SLC22A14: variants seen among roughly 807,000 people sequenced by gnomAD.
SLC22A14 encodes the protein solute carrier family 22 member 14, also known as organic cation transporter-like 4.
A neutral mutation model predicts 53.9 loss-of-function variants in SLC22A14; 50 were observed. That is an observed-to-expected ratio of 0.93 (90% confidence interval 0.74 to 1.17). The LOEUF is 1.17. Ranked by LOEUF, SLC22A14 falls within the 50% of genes most tolerant of loss-of-function variation. SLC22A14 has a pLI of 0.00. For synonymous variants in SLC22A14, 312 were observed against 303.0 expected, an observed-to-expected ratio of 1.03 and a Z score of -0.31; for missense variants, 671 against 734.7, an observed-to-expected ratio of 0.91 and a Z score of 1.00.
Position 38,306,493 on chromosome 3 carries a change from A to C in SLC22A14, c.467A>C (p.Gln156Pro). The change falls in exon 2 of 11, where the codon CAA (glutamine) becomes CCA (proline). Residue 156 changes from glutamine to proline, a missense_variant. By Grantham distance (76) the Gln-to-Pro change is moderately conservative. Transcript: ENST00000448498. The part of the protein sequence containing the change: ...QFGLNDTDTC[Q>P]DGWIYPDAKK... ...GGCCTCAATGACACAGACACATGCCAAGATGGGTGGATCTATCCTGACGCT... is the reference window on the plus strand; with the variant it reads ...GGCCTCAATGACACAGACACATGCCCAGATGGGTGGATCTATCCTGACGCT... 2 of 1,614,224 alleles carry C rather than the reference A, an allele frequency of 1.2e-6. No homozygotes were observed. Among genetic ancestry groups the C allele is most frequent in the Non-Finnish European group, 1.7e-6 (2 of 1,180,040 alleles).
chr3:38,307,847 C>A lies in SLC22A14; in HGVS notation c.775+127C>A. 1 of 1,031,354 alleles carries A rather than the reference C, an allele frequency of 9.7e-7. No homozygotes were observed. The highest frequency in any genetic ancestry group is 1.4e-6 in the Non-Finnish European group (1 of 690,098). 63.9% of individuals were successfully genotyped at this position (1,031,354 alleles called of 1,614,324 possible). A position where few individuals can be genotyped will look rare whatever the true frequency, so the allele number is the denominator to read the frequency against. On this transcript the variant is annotated intron_variant, in intron 4 of 10. Transcript: ENST00000448498. This position sits in a 1 kb window ranked among gnomAD's most constrained non-coding sequence, Gnocchi z 4.4. ...CAGATGGCAAGGGGGCGTGGTGTAG[C>A]TGTAAGAGGGCATGGCGGGGGTGTG...
intron 5 of SLC22A14, among the ~76,000 whole-genome samples, chr3:38,311,000 C>A (rs142273966): frequency 6.6e-6 from 1 of 152,318 alleles, no homozygotes; most frequent in East Asian, 1.9e-4. Flanking sequence ...CCAGGACAAG[C>A]CCCCATGTTT....
At chr3:38,312,773 G>C (rs577395096) in intron 5 of SLC22A14, among the ~76,000 whole-genome samples, 1 of 152,148 alleles carries the variant, frequency 6.6e-6, no homozygotes, top group Admixed American at 6.5e-5. Context: ...CGGTGGTCAG[G>C]GTGTTACCTA....
At chr3:38,308,123 A>AC (rs1467355860) in intron 4 of SLC22A14, 44 of 155,794 alleles carry the variant, frequency 2.8e-4, no homozygotes, top group South Asian at 2.0e-3. Context: ...GGCAAAAGAA[A>AC]AAACAACAAA....
At chr3:38,312,895 C>T in intron 5 of SLC22A14, 104 bp from the exon 6 acceptor site, 6 of 1,460,922 alleles carry the variant, frequency 4.1e-6, no homozygotes, top group Middle Eastern at 1.9e-4. Context: ...ATCTGAATCA[C>T]CTCATGCTGG....
chr3:38,306,275 C>T lies in SLC22A14; in HGVS notation c.249C>T (p.Phe83=). ...TFIPSIMSAF[F]MFADHFVFTA... ...TCCCCAGCATCATGTCGGCCTTCTT[C>T]ATGTTTGCTGACCACTTCGTGTTCA... Residue 83 remains phenylalanine (F), a synonymous_variant, in exon 2 of 11, where the codon TTC becomes TTT. Transcript: ENST00000448498. 6.2e-7 allele frequency: 1 copy of T among 1,614,192 alleles called. No homozygotes were observed. Among genetic ancestry groups the T allele is most frequent in the South Asian group, 1.1e-5 (1 of 91,082 alleles).
intron 1 of SLC22A14, among the ~76,000 whole-genome samples, chr3:38,293,964 C>T (rs1199872357): frequency 6.6e-6 from 1 of 152,120 alleles, no homozygotes; most frequent in Non-Finnish European, 1.5e-5. Flanking sequence ...TTGTCCTAAC[C>T]CTTGTAAAAC....
rs240033 is a variant in SLC22A14 at position 38,316,470 on chromosome 3, C to G, written c.1679C>G (p.Pro560Arg). The G allele has an allele frequency of 0.28, 449,805 of 1,613,628 alleles. 63,616 individuals carry two copies. The highest frequency in any genetic ancestry group is 0.29 in the Admixed American group (17,469 of 59,974). The change falls in exon 10 of 11, where the codon CCG becomes CGG. Residue 560 changes from proline (P) to arginine (R), a missense_variant. By Grantham distance (103) the Pro-to-Arg change is moderately radical. Coordinates refer to ENST00000448498, the MANE Select transcript of SLC22A14 (RefSeq NM_001320033.2). The part of the protein sequence containing the change: ...IVAFSLSSLL[P>R]ETRDQPLSES... ...GCCTTTTCCCTCTCCTCCCTGCTGC[C>G]GGAAACGCGAGATCAGCCCCTCTCC...
chr3:38,316,930 G>C (rs376641626), intron 10 of SLC22A14, among the ~76,000 whole-genome samples: 1 of 152,186 alleles, frequency 6.6e-6, no homozygotes, highest in African/African-American at 2.4e-5. Flanking sequence ...GTTCAGTCCT[G>C]GTTTTCATAA....
chr3:38,284,138 A>G (rs1266590654), intron 1 of SLC22A14, among the ~76,000 whole-genome samples: 1 of 152,166 alleles, frequency 6.6e-6, no homozygotes, highest in Non-Finnish European at 1.5e-5. Flanking sequence ...TCTGAGAAGG[A>G]GGCATCCCCC....
chr3:38,307,367 C>T lies in SLC22A14; in HGVS notation c.620+10C>T, dbSNP rs557453332. The T allele has an allele frequency of 5.6e-5, 90 of 1,604,184 alleles. No individual in the cohort carries two copies. The highest frequency in any genetic ancestry group is 4.7e-4 in the South Asian group (43 of 90,872). On this transcript the variant is annotated intron_variant, in intron 3 of 10. Transcript: ENST00000448498. This position sits in a 1 kb window ranked among gnomAD's most constrained non-coding sequence, Gnocchi z 4.4. ...GGCTCATAACTGACAAGTGAGTCCC[C>T]GGGAGTTTCTGCTGGTCCCCGAGCC...
intron 1 of SLC22A14, among the ~76,000 whole-genome samples, chr3:38,300,612 C>G (rs1410794153): frequency 6.6e-6 from 1 of 152,178 alleles, no homozygotes; most frequent in Non-Finnish European, 1.5e-5. Flanking sequence ...CAACAATGAA[C>G]TGCAGCAACA....
At position 38,307,723 on chromosome 3, in the gene SLC22A14, G is replaced by A. The variant is rs201320372; in HGVS notation, c.775+3G>A. ...CGCCATCAGCAGCATTTCTTTGGGT[G>A]AGACTGGGCCTCAATGGGGCAGGGC... On this transcript the variant is annotated splice_donor_region_variant and intron_variant, in intron 4 of 10. Coordinates refer to ENST00000448498, the MANE Select transcript of SLC22A14 (RefSeq NM_001320033.2). This position sits in a 1 kb window ranked among gnomAD's most constrained non-coding sequence, Gnocchi z 4.4. The A allele has an allele frequency of 1.2e-6, 2 of 1,614,012 alleles. No homozygotes were observed. The highest frequency in any genetic ancestry group is 1.7e-5 in the Admixed American group (1 of 60,026).
chr3:38,305,657 A>ATCTCGGT, intron 1 of SLC22A14: 1 of 185,000 alleles, frequency 5.4e-6, no homozygotes, highest in South Asian at 1.5e-4. Context: ...TTTGAAGAAA[A>ATCTCGGT]GGTCCCTAGA....
chr3:38,312,462 C>T (rs533942509), intron 5 of SLC22A14, among the ~76,000 whole-genome samples: 3 of 152,254 alleles, frequency 2.0e-5, no homozygotes, highest in African/African-American at 7.2e-5. Flanking sequence ...AGAGATGTGG[C>T]GGGGGAGAGA....
At chr3:38,308,315 A>G (rs930476662) in intron 4 of SLC22A14, among the ~76,000 whole-genome samples, 2 of 152,176 alleles carry the variant, frequency 1.3e-5, no homozygotes, top group African/African-American at 2.4e-5. Context: ...CTTTATATGC[A>G]TTGTCTCATT....
Position 38,307,832 on chromosome 3 carries a change from G to A in SLC22A14, c.775+112G>A. 3 of 1,201,904 alleles carry A rather than the reference G, an allele frequency of 2.5e-6. No individual in the cohort carries two copies. Among genetic ancestry groups the A allele is most frequent in the Non-Finnish European group, 3.6e-6 (3 of 836,320 alleles). The allele number at this position is 1,201,904 out of a possible 1,614,324, so 74.5% of individuals were successfully genotyped here. A position where few individuals can be genotyped will look rare whatever the true frequency, so the allele number is the denominator to read the frequency against. On this transcript the variant is annotated intron_variant, in intron 4 of 10. Transcript: ENST00000448498. This position sits in a 1 kb window ranked among gnomAD's most constrained non-coding sequence, Gnocchi z 4.4. The stretch of plus-strand genomic sequence containing the variant: ...GCGTGGCGGCATAGGCAGATGGCAA[G>A]GGGGCGTGGTGTAGCTGTAAGAGGG...
At chr3:38,287,921 A>AT (rs982618179) in intron 1 of SLC22A14, among the ~76,000 whole-genome samples, 4 of 152,148 alleles carry the variant, frequency 2.6e-5, no homozygotes, top group African/African-American at 9.7e-5. Flanking sequence ...TTTTTAAACC[A>AT]TTTTTTAAAA....
At chr3:38,294,140 G>A (rs2125876033) in intron 1 of SLC22A14, among the ~76,000 whole-genome samples, 1 of 149,180 alleles carries the variant, frequency 6.7e-6, no homozygotes, top group South Asian at 2.1e-4. Context: ...TTGGTTCATT[G>A]TTTACCCCTT....
Sources: gnomAD v4.1 joint callset for allele counts (sites outside exome capture counted in the v4.1 genomes callset) on GRCh38, gnomAD v4.1.1 for gene constraint, Gnocchi (gnomAD v3.1) non-coding constraint, MANE v1.5 for transcripts, NCBI Gene and HGNC (gene_info 2026-07-23, HGNC 2026-07-21) for gene names.